CNKSR1: variants seen among roughly 807,000 people sequenced by gnomAD.
CNKSR1 encodes CNK homolog protein 1.
Under a neutral mutation model 95.6 loss-of-function variants are expected in CNKSR1, and 88 were observed. That is an observed-to-expected ratio of 0.92 (90% CI 0.78 to 1.10). The LOEUF (loss-of-function observed/expected upper bound fraction) is 1.10, where lower values mean the gene tolerates loss of function less well. Among genes scored for constraint, CNKSR1 ranks in the 50% least tolerant of loss-of-function variants. The pLI is 0.00. For missense variants in CNKSR1, 836 were observed against 912.0 expected (o/e 0.92, Z 1.07); for synonymous variants, 355 against 369.7 (o/e 0.96, Z 0.46).
chr1:26,189,154 G>A, intron 20 of CNKSR1, 125 bp from the exon 21 acceptor site: 1 of 1,345,446 alleles, frequency 7.4e-7, no homozygotes, highest in Admixed American at 1.7e-5. Context: ...TCTCACCTAG[G>A]CTCCTCGTGC....
intron 4 of CNKSR1, 95 bp from the exon 5 acceptor site, chr1:26,182,265 AG>A: frequency 1.6e-6 from 2 of 1,231,028 alleles, no homozygotes; most frequent in Non-Finnish European, 2.4e-6. Flanking sequence ...GAAGGCAGGG[AG>A]GGACTGTACG....
chr1:26,189,454 A>G lies in CNKSR1; in HGVS notation c.2048A>G (p.Glu683Gly), dbSNP rs534891820. ...CACATCTTGACCTCTGACTCCACAG[A>G]ACAGTCCCCCCACTCCCTGCCCTCT... The part of the protein sequence containing the change: ...SSHILTSDST[E>G]QSPHSLPSDP... The change falls in exon 21 of 21, where the codon GAA (glutamate) becomes GGA (glycine). Residue 683 changes from glutamate to glycine, a missense_variant. Transcript: ENST00000361530. 1 of 1,614,000 alleles carries G rather than the reference A, an allele frequency of 6.2e-7. No homozygotes were observed. The highest frequency in any genetic ancestry group is 1.1e-5 in the South Asian group (1 of 91,078).
At chr1:26,181,786 A>C in intron 3 of CNKSR1, 71 bp from the exon 4 acceptor site, 1 of 1,434,566 alleles carries the variant, frequency 7.0e-7, no homozygotes, top group Non-Finnish European at 9.8e-7. Flanking sequence ...TGAGGTGAGT[A>C]ATTGGTGAGT....
chr1:26,182,421 A>T lies in CNKSR1; in HGVS notation c.519+19A>T. 1 of 1,613,766 alleles carries T rather than the reference A, an allele frequency of 6.2e-7. No homozygotes were observed. Among genetic ancestry groups the T allele is most frequent in the Non-Finnish European group, 8.5e-7 (1 of 1,179,864 alleles). On this transcript the variant is annotated intron_variant, in intron 5 of 20. Transcript: ENST00000361530. Reference sequence around the variant, plus strand: ...GAGGATCGTGAGTCTGTGGGGTGGGAAGAGAGTGGGGGTAGGGGCGATCGG... The same window carrying T: ...GAGGATCGTGAGTCTGTGGGGTGGGTAGAGAGTGGGGGTAGGGGCGATCGG...
At chr1:26,180,399 C>T (rs2088626033) in intron 1 of CNKSR1, 54 bp from the exon 2 acceptor site, 4 of 1,607,942 alleles carry the variant, frequency 2.5e-6, no homozygotes, top group Non-Finnish European at 2.6e-6. Flanking sequence ...AAGAACCATC[C>T]CAAAAGGTCC....
intron 14 of CNKSR1, chr1:26,186,910 TC>T: frequency 4.2e-6 from 2 of 472,482 alleles, no homozygotes; most frequent in Non-Finnish European, 3.8e-6. Context: ...GCCTTCAGGC[TC>T]CTCTTTTTTT....
In CNKSR1 at chr1:26,189,770, A is replaced by C. The variant is rs2088833327; in HGVS notation, c.*222A>C. The C allele has an allele frequency of 1.4e-6, 1 of 697,862 alleles. No individual in the cohort carries two copies. Among genetic ancestry groups the C allele is most frequent in the South Asian group, 1.5e-5 (1 of 66,738 alleles). The allele number at this position is 697,862 out of a possible 1,614,324, so 43.2% of individuals were successfully genotyped here. On this transcript the variant is annotated 3_prime_UTR_variant, in exon 21 of 21. Transcript: ENST00000361530. ...CCCAAATCCTCCAACCTCTGGGGCCACAGCCCTGCCCCTCCAGTTCCTTGG... is the reference window on the plus strand; with the variant it reads ...CCCAAATCCTCCAACCTCTGGGGCCCCAGCCCTGCCCCTCCAGTTCCTTGG...
At chr1:26,188,182 C>A in intron 16 of CNKSR1, 52 bp from the exon 17 acceptor site, 1 of 1,506,938 alleles carries the variant, frequency 6.6e-7, no homozygotes, top group Non-Finnish European at 9.2e-7. Context: ...CCCCAGCATA[C>A]AAGAGGGCCC....
chr1:26,183,842 T>A lies in CNKSR1; in HGVS notation c.855+12T>A. The stretch of plus-strand genomic sequence containing the variant: ...AGACCCCCCCACAGGTACCTTCCCC[T>A]GCCGCCCCCCGACCTGCCTTCAGAC... On this transcript the variant is annotated intron_variant, in intron 9 of 20. Coordinates refer to ENST00000361530, the MANE Select transcript of CNKSR1 (RefSeq NM_006314.3). The A allele has an allele frequency of 1.9e-6, 2 of 1,053,794 alleles. No individual in the cohort carries two copies. The highest frequency in any genetic ancestry group is 1.3e-6 in the Non-Finnish European group (1 of 779,390). The allele number at this position is 1,053,794 out of a possible 1,614,324, so 65.3% of individuals were successfully genotyped here.
Position 26,181,870 on chromosome 1 carries a change from CACTTAA to C in CNKSR1, c.408_413del (p.Leu137_Asn138del). The C allele has an allele frequency of 1.2e-6, 2 of 1,614,094 alleles. No individual in the cohort carries two copies. Among genetic ancestry groups the C allele is most frequent in the Non-Finnish European group, 1.7e-6 (2 of 1,179,974 alleles). On this transcript the variant is annotated inframe_deletion, in exon 4 of 21. Coordinates refer to ENST00000361530, the MANE Select transcript of CNKSR1 (RefSeq NM_006314.3). ...TTCCCCTGCCAGGTACCTCTTCTCC[CACTTAA>C]ATGATTTCTCAGCATGCCAGGAGAT...
At chr1:26,180,993 T>C (rs2088638805) in intron 3 of CNKSR1, 97 bp downstream of exon 3, 11 of 1,499,312 alleles carry the variant, frequency 7.3e-6, no homozygotes, top group African/African-American at 1.4e-5. Context: ...TGTTCAGATA[T>C]GGTGAGCCAG....
chr1:26,180,786 G>A lies in CNKSR1; in HGVS notation c.282G>A (p.Gln94=), dbSNP rs1388691580. The change falls in exon 3 of 21, where the codon CAG becomes CAA. Residue 94 remains glutamine, a synonymous_variant. Coordinates refer to ENST00000361530, the MANE Select transcript of CNKSR1 (RefSeq NM_006314.3). The part of the protein sequence containing the change: ...EGLLGATHDF[Q]SIVQGCLGDC... ...TTCTGGGGGCAACCCATGACTTCCA[G>A]AGCATAGTCCAAGGCTGCCTGGGGG... is the stretch of plus-strand genomic sequence containing the variant. 1.2e-6 allele frequency: 2 copies of A among 1,614,226 alleles called. No homozygotes were observed. The highest frequency in any genetic ancestry group is 3.3e-5 in the Admixed American group (2 of 60,034).
At position 26,189,324 on chromosome 1, in the gene CNKSR1, C is replaced by T. The variant is rs1342820312; in HGVS notation, c.1918C>T (p.Pro640Ser). Residue 640 changes from proline to serine, a missense_variant, in exon 21 of 21, where the codon CCT becomes TCT. Transcript: ENST00000361530. Reference sequence around the variant, plus strand: ...GGTCCTAGAAGAAGTGCTGGGTGACCCTGAGCTGACAGGAGAGAAGTTCCG... The same window carrying T: ...GGTCCTAGAAGAAGTGCTGGGTGACTCTGAGCTGACAGGAGAGAAGTTCCG... ...LQVLEEVLGDPELTGEKFRQW... is the reference protein window; with the variant it reads ...LQVLEEVLGDSELTGEKFRQW... 2 of 1,614,042 alleles carry T rather than the reference C, an allele frequency of 1.2e-6. No individual in the cohort carries two copies. The highest frequency in any genetic ancestry group is 2.7e-5 in the African/African-American group (2 of 74,940).
At chr1:26,189,180 C>T in intron 20 of CNKSR1, 99 bp from the exon 21 acceptor site, 1 of 1,483,864 alleles carries the variant, frequency 6.7e-7, no homozygotes, top group Non-Finnish European at 9.4e-7. Context: ...TGGCCAGGTG[C>T]TGGCTTCCAG....
rs746626702 is a variant in CNKSR1 at position 26,184,073 on chromosome 1, G to A, written c.858G>A (p.Thr286=). 46 of 1,604,718 alleles carry A rather than the reference G, an allele frequency of 2.9e-5. No homozygotes were observed. The highest frequency in any genetic ancestry group is 1.1e-4 in the South Asian group (10 of 90,666). The change falls in exon 10 of 21, where the codon ACG becomes ACA. Residue 286 remains threonine, a splice_region_variant and synonymous_variant. Coordinates refer to ENST00000361530, the MANE Select transcript of CNKSR1 (RefSeq NM_006314.3). ...KIPIPETPPQ[T]PPQVLDSPHQ... ...CTTTGTTCCTGGTTGTTCCCCAGAC[G>A]CCCCCTCAGGTCCTGGACTCCCCGC...
At chr1:26,186,914 C>CTT (rs149700663) in intron 14 of CNKSR1, 1,134 of 394,800 alleles carry the variant, frequency 2.9e-3, no homozygotes, top group South Asian at 4.3e-3. Flanking sequence ...TCAGGCTCCT[C>CTT]TTTTTTTTTT....
intron 1 of CNKSR1, 72 bp from the exon 2 acceptor site, chr1:26,180,381 C>T (rs896710184): frequency 1.3e-5 from 20 of 1,565,270 alleles, no homozygotes; most frequent in Admixed American, 3.3e-5. Flanking sequence ...AAGAGCTTTG[C>T]AGGCATGAAG....
At chr1:26,184,675 A>G in intron 13 of CNKSR1, 63 bp downstream of exon 13, 3 of 1,539,938 alleles carry the variant, frequency 1.9e-6, no homozygotes, top group East Asian at 2.4e-5. Flanking sequence ...AAATCTTTAC[A>G]TGCTGGGCAA....
rs145525824 is a variant in CNKSR1, at chr1:26,187,460, G to A, written c.1432G>A (p.Asp478Asn). ...DVYKPFIFAADTLTDLSMWVR... is the reference protein window; with the variant it reads ...DVYKPFIFAANTLTDLSMWVR... ...GTACAAACCCTTCATCTTCGCTGCT[G>A]ATACCCTGACAGATCTGAGCATGTG... Residue 478 changes from aspartate to asparagine, a missense_variant, in exon 16 of 21, where the codon GAT becomes AAT. Coordinates refer to ENST00000361530, the MANE Select transcript of CNKSR1 (RefSeq NM_006314.3). 1.9e-6 allele frequency: 3 copies of A among 1,613,904 alleles called. No individual in the cohort carries two copies. In the African/African-American group the frequency reaches 4.0e-5, roughly 22 times the overall value.
Sources: allele counts gnomAD v4.1 joint callset, GRCh38; gene constraint gnomAD v4.1.1; transcripts MANE v1.5; gene names NCBI Gene and HGNC (gene_info 2026-07-23, HGNC 2026-07-21).